Variants in SLC47A2 observed in about 807,000 individuals in gnomAD.
SLC47A2 encodes solute carrier family 47 member 2.
SLC47A2 carries 52 observed loss-of-function variants against 67.7 expected under a neutral mutation model. The ratio of observed to expected loss-of-function variants is 0.77; its 90% CI spans 0.61 to 0.97. The LOEUF is 0.97. Ranked by LOEUF, SLC47A2 falls within the 50% of genes least tolerant of loss-of-function variation. SLC47A2 has a pLI of 0.00. For synonymous variants in SLC47A2, 278 were observed against 292.9 expected, an observed-to-expected ratio of 0.95 and a Z score of 0.52; for missense variants, 676 against 712.3, an observed-to-expected ratio of 0.95 and a Z score of 0.58.
chr17:19,692,022 A>G (rs139373539), intron 13 of SLC47A2, among the ~76,000 whole-genome samples: 3,476 of 152,186 alleles, frequency 0.023, 70 homozygotes, highest in African/African-American at 0.052. Flanking sequence ...AAGGTCAGGA[A>G]TTCGAGACCA....
chr17:19,698,126 G>A (rs769952808), intron 13 of SLC47A2, among the ~76,000 whole-genome samples: 5 of 152,122 alleles, frequency 3.3e-5, no homozygotes, highest in Admixed American at 6.5e-5. Flanking sequence ...TGTAGAAAGG[G>A]AAAAGACTCA....
chr17:19,715,697 G>GGTT (rs1555543675), intron 1 of SLC47A2: 3 of 99,472 alleles, frequency 3.0e-5, no homozygotes, highest in African/African-American at 1.2e-4. Flanking sequence ...TTTTGGTTTT[G>GGTT]TTTTTTTTGT....
rs867988838 is a variant in SLC47A2 at position 19,682,366 on chromosome 17, A to C, written c.1165-696T>G. ...ACACACACACACACACACACACACA[A>C]ATTTATTATTTTATTTTACAGTTCT... is the stretch of plus-strand genomic sequence containing the variant. On this transcript the variant is annotated intron_variant, in intron 13 of 16. Transcript: ENST00000433844. Among the ~76,000 whole-genome samples, 815 of 96,152 alleles carry C rather than the reference A, an allele frequency of 8.5e-3. 5 individuals are homozygous for C. The highest frequency in any genetic ancestry group is 0.043 in the Middle Eastern group (9 of 208). The allele number at this position is 96,152 out of a possible 152,430, so 63.1% of individuals were successfully genotyped here. A position where few individuals can be genotyped will look rare whatever the true frequency, so the allele number is the denominator to read the frequency against.
intron 5 of SLC47A2, 37 bp downstream of exon 5, chr17:19,712,666 G>A: frequency 1.9e-6 from 3 of 1,607,430 alleles, no homozygotes; most frequent in Non-Finnish European, 2.5e-6. Context: ...GAATTTAGGG[G>A]AATGTGATTC....
intron 10 of SLC47A2, 96 bp downstream of exon 10, chr17:19,705,340 A>T (rs1359209303): frequency 2.2e-6 from 3 of 1,343,660 alleles, no homozygotes; most frequent in Non-Finnish European, 3.1e-6. Flanking sequence ...CCTTCGGGAG[A>T]CAGAGATAGC....
At chr17:19,687,628 A>C (rs1207716868) in intron 13 of SLC47A2, among the ~76,000 whole-genome samples, 2 of 152,134 alleles carry the variant, frequency 1.3e-5, no homozygotes, top group Non-Finnish European at 2.9e-5. Context: ...AAAAAAAGAG[A>C]AAAGATCCAG....
intron 13 of SLC47A2, among the ~76,000 whole-genome samples, chr17:19,688,881 T>TA (rs1413351537): frequency 2.3e-4 from 34 of 149,292 alleles, no homozygotes; most frequent in African/African-American, 7.7e-4. Flanking sequence ...TTTTTTTTTT[T>TA]AAGAGAGAGG....
intron 10 of SLC47A2, 171 bp downstream of exon 10, chr17:19,705,261 CTGTG>C: frequency 1.9e-6 from 1 of 540,274 alleles, no homozygotes; most frequent in South Asian, 2.9e-5. Flanking sequence ...TTGTGGGCAC[CTGTG>C]TGTGAGTCCT....
At chr17:19,718,161 CT>C (rs1255421902), upstream of SLC47A2, 2 of 152,386 alleles carry the variant, frequency 1.3e-5, no homozygotes, top group African/African-American at 4.8e-5. Context: ...GGACCTGGGC[CT>C]GGGGTCTCTG....
intron 5 of SLC47A2, among the ~76,000 whole-genome samples, chr17:19,710,595 GGCACCCGCCATCAT>G (rs1393564216): frequency 6.6e-6 from 1 of 151,986 alleles, no homozygotes; most frequent in Non-Finnish European, 1.5e-5. Context: ...TGAGATTGCA[GGCACCCGCCATCAT>G]GCCCAGCTAA....
chr17:19,707,915 G>T, intron 7 of SLC47A2, 72 bp from the exon 8 acceptor site: 1 of 1,408,842 alleles, frequency 7.1e-7, no homozygotes, highest in Non-Finnish European at 9.8e-7. Context: ...AGAGAGAGGT[G>T]GCTCTGGCGG....
intron 11 of SLC47A2, 149 bp downstream of exon 11, chr17:19,703,921 C>G: frequency 1.7e-6 from 1 of 577,956 alleles, no homozygotes; most frequent in Non-Finnish European, 2.9e-6. Flanking sequence ...AGAGGCTGAC[C>G]TGGGTCAGAT....
chr17:19,702,502 G>T, intron 13 of SLC47A2, 103 bp downstream of exon 13: 1 of 1,551,966 alleles, frequency 6.4e-7, no homozygotes. Context: ...CCCTTCATGT[G>T]TATTAACAAG....
At chr17:19,711,276 A>G (rs571020042) in intron 5 of SLC47A2, among the ~76,000 whole-genome samples, 1 of 152,198 alleles carries the variant, frequency 6.6e-6, no homozygotes, top group Admixed American at 6.5e-5. Flanking sequence ...TACATGAGAA[A>G]ATGTTCAACT....
intron 9 of SLC47A2, 97 bp downstream of exon 9, chr17:19,706,551 G>A (rs904150751): frequency 1.0e-6 from 1 of 992,950 alleles, no homozygotes; most frequent in Non-Finnish European, 1.5e-6. Context: ...CTGGGGAGGG[G>A]GCTTCTGGGA....
chr17:19,682,694 C>CA (rs1298308717), intron 13 of SLC47A2, among the ~76,000 whole-genome samples: 14 of 152,334 alleles, frequency 9.2e-5, no homozygotes, highest in African/African-American at 3.1e-4. Flanking sequence ...TTGAAACACT[C>CA]ACAGGTTCTG....
intron 13 of SLC47A2, among the ~76,000 whole-genome samples, chr17:19,691,245 G>A (rs1356097355): frequency 6.6e-6 from 1 of 152,126 alleles, no homozygotes; most frequent in South Asian, 2.1e-4. Context: ...CAGCAATCCT[G>A]CTAGGTATAT....
chr17:19,702,139 C>A (rs1033876848), intron 13 of SLC47A2: 1 of 984,716 alleles, frequency 1.0e-6, no homozygotes, highest in Admixed American at 6.2e-5. Flanking sequence ...TAATTCAAAT[C>A]TGTGTTAAAT....
intron 13 of SLC47A2, among the ~76,000 whole-genome samples, chr17:19,690,741 A>G (rs575804370): frequency 6.6e-6 from 1 of 152,324 alleles, no homozygotes; most frequent in South Asian, 2.1e-4. Flanking sequence ...CAAAACTACA[A>G]TGAGATATCA....
Sources: allele counts gnomAD v4.1 joint callset (sites outside exome capture counted in the v4.1 genomes callset), GRCh38; gene constraint gnomAD v4.1.1; transcripts MANE v1.5; gene names NCBI Gene and HGNC (gene_info 2026-07-23, HGNC 2026-07-21).